Variants in PCSK5 observed in about 807,000 individuals in gnomAD.
PCSK5 encodes the protein prohormone convertase 5.
In PCSK5, 129 loss-of-function variants were observed where a neutral mutation model predicts 233.2. The ratio of observed to expected loss-of-function variants is 0.55; its 90% CI spans 0.48 to 0.64. The LOEUF (loss-of-function observed/expected upper bound fraction) is 0.64, where lower values mean the gene tolerates loss of function less well. Among genes scored for constraint, PCSK5 ranks in the 30% least tolerant of loss-of-function variants. The pLI, the probability that PCSK5 is intolerant of heterozygous loss-of-function variation, is 0.00. For synonymous variants in PCSK5, 825 were observed against 879.2 expected, an observed-to-expected ratio of 0.94 and a Z score of 1.09; for missense variants, 2,076 against 2,430.1, an observed-to-expected ratio of 0.85 and a Z score of 3.06.
chr9:76,315,651 T>C (rs1829001968), intron 30 of PCSK5, among the ~76,000 whole-genome samples: 1 of 150,878 alleles, frequency 6.6e-6, no homozygotes, highest in South Asian at 2.1e-4. Context: ...ACTTTTTTTT[T>C]TTTTTTTTTT....
chr9:76,335,070 C>A (rs1173911253), intron 34 of PCSK5, among the ~76,000 whole-genome samples: 2 of 152,084 alleles, frequency 1.3e-5, no homozygotes, highest in Non-Finnish European at 1.5e-5. Context: ...AGAACAAGAC[C>A]CTGTCTTAAA....
chr9:76,346,875 C>G (rs1829994835), intron 35 of PCSK5, among the ~76,000 whole-genome samples: 1 of 152,104 alleles, frequency 6.6e-6, no homozygotes, highest in Non-Finnish European at 1.5e-5. Flanking sequence ...ATTTCGTTCA[C>G]TTTGGACTGC....
At chr9:76,076,307 TG>T (rs149189316) in intron 7 of PCSK5, among the ~76,000 whole-genome samples, 10,375 of 152,206 alleles carry the variant, frequency 0.068, 384 homozygotes, top group Admixed American at 0.093. Context: ...TTCTAAATCA[TG>T]GTGGGCCTGT....
chr9:76,316,281 G>A (rs914717960), intron 30 of PCSK5, among the ~76,000 whole-genome samples: 10 of 152,210 alleles, frequency 6.6e-5, no homozygotes, highest in African/African-American at 2.4e-4. Context: ...GGTGTGGCAA[G>A]AGAGACCCAT....
chr9:76,226,839 T>G (rs969407465), intron 20 of PCSK5, among the ~76,000 whole-genome samples: 4 of 152,192 alleles, frequency 2.6e-5, no homozygotes, highest in African/African-American at 9.6e-5. Context: ...GTGGGAGTAA[T>G]TTCTTAAAAT....
intron 27 of PCSK5, 27 bp downstream of exon 27, chr9:76,296,892 C>T (rs1314817750): frequency 1.3e-6 from 2 of 1,512,158 alleles, no homozygotes; most frequent in African/African-American, 1.4e-5. Flanking sequence ...AAAGAGGTCA[C>T]AGGGGTCTAG....
chr9:75,943,081 C>T (rs1191999258), intron 2 of PCSK5, among the ~76,000 whole-genome samples: 3 of 151,962 alleles, frequency 2.0e-5, no homozygotes, highest in East Asian at 1.9e-4. Context: ...GACGGGGTTT[C>T]GCCATGTTGG....
At position 76,197,331 on chromosome 9, in the gene PCSK5, T is replaced by G. The variant is rs746568380; in HGVS notation, c.2626+7585T>G. The stretch of plus-strand genomic sequence containing the variant: ...CTTTCCACTCCAGTTATCAGAGGCT[T>G]GTCACACTGCTGATCTCTTCTACCA... On this transcript the variant is annotated intron_variant, in intron 20 of 37. Transcript: ENST00000674117. Among the ~76,000 whole-genome samples, 84 of 152,318 alleles carry G rather than the reference T, an allele frequency of 5.5e-4. No homozygotes were observed. In the Middle Eastern group the frequency reaches 0.01, roughly 19 times the overall value.
In PCSK5 at chr9:76,358,776, C is replaced by A. The variant is rs564194399; in HGVS notation, c.5518C>A (p.Arg1840=). ...GGATCAGGTGATTGAGTACAGGGAT[C>A]GGGACTATGATGAGGATGATGATGA... ...EEDQVIEYRD[R]DYDEDDDDDI... is the part of the protein sequence containing the mutation. The change falls in exon 38 of 38, where the codon CGG becomes AGG. Residue 1840 remains arginine, a synonymous_variant. Coordinates refer to ENST00000674117, the MANE Select transcript of PCSK5 (RefSeq NM_001372043.1). The A allele has an allele frequency of 2.5e-6, 4 of 1,612,712 alleles. No homozygotes were observed. The highest frequency in any genetic ancestry group is 1.3e-5 in the African/African-American group (1 of 74,898).
intron 5 of PCSK5, among the ~76,000 whole-genome samples, chr9:76,066,742 G>A (rs951491452): frequency 6.6e-6 from 1 of 152,126 alleles, no homozygotes; most frequent in Non-Finnish European, 1.5e-5. Context: ...ATGTAAACTT[G>A]CATGTGTACC....
intron 37 of PCSK5, among the ~76,000 whole-genome samples, chr9:76,356,558 C>T (rs1391566600): frequency 6.6e-6 from 1 of 152,182 alleles, no homozygotes; most frequent in Non-Finnish European, 1.5e-5. Context: ...ATCAATCTCT[C>T]CAATGCTTTA....
intron 3 of PCSK5, among the ~76,000 whole-genome samples, chr9:75,990,511 A>G (rs1003303952): frequency 6.6e-6 from 1 of 152,172 alleles, no homozygotes; most frequent in Non-Finnish European, 1.5e-5. Flanking sequence ...TGAGATTTCT[A>G]GGAGTTGGAG....
In PCSK5 at chr9:76,112,549, ATTAC is replaced by A. The variant is rs1043854529; in HGVS notation, c.1208+5202_1208+5205del. ...AGGTAGGCTCACCTACTTTCTCCTT[ATTAC>A]TTATCTTTTCCCTCCTATTGCAAAT... On this transcript the variant is annotated intron_variant, in intron 9 of 37. Coordinates refer to ENST00000674117, the MANE Select transcript of PCSK5 (RefSeq NM_001372043.1). 1.1e-4 allele frequency among the ~76,000 whole-genome samples: 17 copies of A among 152,194 alleles called. No homozygotes were observed. The East Asian group carries it at 3.3e-3, about 29-fold the overall frequency.
intron 34 of PCSK5, among the ~76,000 whole-genome samples, chr9:76,337,607 G>A (rs942635699): frequency 2.0e-5 from 3 of 152,104 alleles, no homozygotes; most frequent in African/African-American, 7.2e-5. Context: ...CCAAGTAGCT[G>A]GGATTACAGG....
At chr9:76,087,064 T>C (rs1179948554) in intron 7 of PCSK5, among the ~76,000 whole-genome samples, 1 of 152,240 alleles carries the variant, frequency 6.6e-6, no homozygotes, top group Non-Finnish European at 1.5e-5. Context: ...CTTCCAGTTA[T>C]ACTGTGAAAA....
chr9:76,288,917 A>G (rs1057372791), intron 24 of PCSK5, among the ~76,000 whole-genome samples: 1 of 152,188 alleles, frequency 6.6e-6, no homozygotes, highest in Non-Finnish European at 1.5e-5. Flanking sequence ...TCCAAATTCA[A>G]TGGTGAAGGT....
chr9:76,118,208 C>G (rs12236762), intron 9 of PCSK5, among the ~76,000 whole-genome samples: 26,360 of 152,034 alleles, frequency 0.17, 2,550 homozygotes, highest in East Asian at 0.28. Flanking sequence ...CAGAAACCAT[C>G]TGGCCTGTAG....
chr9:76,321,372 C>T, intron 30 of PCSK5, 50 bp from the exon 31 acceptor site: 1 of 1,004,232 alleles, frequency 1.0e-6, no homozygotes, highest in Non-Finnish European at 1.6e-6. Context: ...GAATGAGTCA[C>T]TTCTCCAGCA....
At chr9:76,024,362 T>C (rs1251226981) in intron 4 of PCSK5, among the ~76,000 whole-genome samples, 1 of 152,226 alleles carries the variant, frequency 6.6e-6, no homozygotes, top group Non-Finnish European at 1.5e-5. Flanking sequence ...CAAATTCATT[T>C]AGTTCTCATT....
Sources: allele counts gnomAD v4.1 joint callset (sites outside exome capture counted in the v4.1 genomes callset), GRCh38; gene constraint gnomAD v4.1.1; transcripts MANE v1.5; gene names NCBI Gene and HGNC (gene_info 2026-07-23, HGNC 2026-07-21).